The following PINX1 variants were observed in gnomAD, a reference collection of about 807,000 sequenced individuals.
PINX1 encodes PIN2/TERF1-interacting telomerase inhibitor 1.
Under a neutral mutation model 25.4 loss-of-function variants are expected in PINX1, and 34 were observed. The observed-to-expected ratio is 1.34, with a 90% CI of 1.02 to 1.78. The LOEUF (loss-of-function observed/expected upper bound fraction) is 1.78, where lower values mean the gene tolerates loss of function less well. Among genes scored for constraint, PINX1 ranks in the 40% most tolerant of loss-of-function variants. PINX1 has a pLI of 0.00. For synonymous variants in PINX1, 197 were observed against 147.7 expected, an observed-to-expected ratio of 1.33 and a Z score of -2.42; for missense variants, 592 against 404.9, an observed-to-expected ratio of 1.46 and a Z score of -3.97.
At chr8:10,798,553 A>G in intron 6 of PINX1, among the ~76,000 whole-genome samples, 1 of 152,244 alleles carries the variant, frequency 6.6e-6, no homozygotes, top group South Asian at 2.1e-4. Flanking sequence ...ACATGTAGCC[A>G]GGACTCCTGG....
intron 6 of PINX1, among the ~76,000 whole-genome samples, chr8:10,810,144 A>C (rs1467879505): frequency 6.6e-6 from 1 of 152,130 alleles, no homozygotes; most frequent in East Asian, 1.9e-4. Flanking sequence ...CCCCAACAAC[A>C]CAAACACCTC....
At chr8:10,836,370 T>C (rs934619914) in intron 1 of PINX1, among the ~76,000 whole-genome samples, 19 of 152,232 alleles carry the variant, frequency 1.2e-4, no homozygotes, top group Non-Finnish European at 2.5e-4. Context: ...CTGCGTCTGC[T>C]AATGAACAAC....
At chr8:10,814,037 G>C (rs953798090) in intron 6 of PINX1, among the ~76,000 whole-genome samples, 2 of 152,160 alleles carry the variant, frequency 1.3e-5, no homozygotes, top group African/African-American at 4.8e-5. Context: ...ACAGGCCCCG[G>C]CAGGCACCGG....
chr8:10,836,488 G>A (rs963400264), intron 1 of PINX1, among the ~76,000 whole-genome samples: 1 of 152,192 alleles, frequency 6.6e-6, no homozygotes. Context: ...ACTAGGGCTT[G>A]TACGAAGGAG....
chr8:10,794,225 T>A (rs1563214422), intron 6 of PINX1, among the ~76,000 whole-genome samples: 2 of 152,210 alleles, frequency 1.3e-5, no homozygotes, highest in Admixed American at 6.5e-5. Flanking sequence ...ACTGGTAATC[T>A]ATCACGATTA....
At chr8:10,807,317 T>A (rs975303548) in intron 6 of PINX1, among the ~76,000 whole-genome samples, 316 of 39,556 alleles carry the variant, frequency 8.0e-3, no homozygotes, top group East Asian at 0.019. Context: ...ATCAAGAAAA[T>A]CCCCCCCCCA....
At chr8:10,821,923 G>A (rs1439719094) in intron 5 of PINX1, 3 of 152,196 alleles carry the variant, frequency 2.0e-5, no homozygotes, top group African/African-American at 7.2e-5. Flanking sequence ...GTCAAAATGT[G>A]AACACACAGA....
At chr8:10,777,391 C>G (rs1340021345) in intron 6 of PINX1, among the ~76,000 whole-genome samples, 1 of 152,240 alleles carries the variant, frequency 6.6e-6, no homozygotes, top group Non-Finnish European at 1.5e-5. Flanking sequence ...GTTTATGTCT[C>G]TTGTCCTAGG....
intron 3 of PINX1, 119 bp downstream of exon 3, chr8:10,832,773 C>A (rs886491818): frequency 3.4e-6 from 2 of 585,320 alleles, no homozygotes; most frequent in Admixed American, 3.1e-5. Flanking sequence ...CAAGAGGAAA[C>A]GTGAATAAAA....
intron 6 of PINX1, among the ~76,000 whole-genome samples, chr8:10,788,468 G>C (rs552108694): frequency 6.6e-6 from 1 of 152,122 alleles, no homozygotes; most frequent in South Asian, 2.1e-4. Flanking sequence ...AGGAGGCTGA[G>C]GCAAGAGAAT....
intron 6 of PINX1, among the ~76,000 whole-genome samples, chr8:10,808,330 G>A (rs889661085): frequency 2.0e-5 from 3 of 152,340 alleles, no homozygotes; most frequent in Non-Finnish European, 4.4e-5. Flanking sequence ...AGGAAGAATT[G>A]AAAGTGCTGT....
chr8:10,819,706 C>T (rs1391865058), intron 6 of PINX1, among the ~76,000 whole-genome samples: 4 of 152,178 alleles, frequency 2.6e-5, no homozygotes, highest in African/African-American at 9.7e-5. Flanking sequence ...AGAGGAAATA[C>T]CCATCAAACC....
intron 2 of PINX1, chr8:10,833,549 G>A (rs1480343967): frequency 1.3e-5 from 2 of 151,556 alleles, no homozygotes; most frequent in African/African-American, 5.4e-5. Context: ...ATGGAGAAGA[G>A]ACGACTGGGG....
At chr8:10,781,821 A>G (rs1389047044) in intron 6 of PINX1, among the ~76,000 whole-genome samples, 2 of 152,234 alleles carry the variant, frequency 1.3e-5, no homozygotes. Flanking sequence ...ATAGCCCAGC[A>G]ACCCCTCTTC....
intron 6 of PINX1, among the ~76,000 whole-genome samples, chr8:10,804,022 C>G (rs1042948653): frequency 6.6e-6 from 1 of 152,108 alleles, no homozygotes; most frequent in African/African-American, 2.4e-5. Flanking sequence ...ATATAGTTAC[C>G]TAGTTACCTA....
chr8:10,828,571 A>G (rs571081479), intron 4 of PINX1, among the ~76,000 whole-genome samples: 149 of 152,320 alleles, frequency 9.8e-4, no homozygotes, highest in Non-Finnish European at 1.6e-3. Flanking sequence ...GTGCCCTCAC[A>G]GAGCAGCTCT....
chr8:10,798,281 A>C (rs1802154139), intron 6 of PINX1, among the ~76,000 whole-genome samples: 2 of 152,390 alleles, frequency 1.3e-5, no homozygotes, highest in Admixed American at 1.3e-4. Context: ...TGCTGCTGAA[A>C]TAATGAGAGC....
chr8:10,787,642 A>G (rs1801794140), intron 6 of PINX1: 1 of 324,136 alleles, frequency 3.1e-6, no homozygotes, highest in Admixed American at 4.4e-5. Context: ...AAAAAGCCAC[A>G]CAAGGGAAAT....
rs542884059 is a variant in PINX1 at position 10,800,762 on chromosome 8, G to T, written c.471+19431C>A. Among the ~76,000 whole-genome samples, 64 of 152,236 alleles carry T rather than the reference G, an allele frequency of 4.2e-4. 1 individual carries two copies. The South Asian group carries it at 0.012, about 28-fold the overall frequency. ...TGGGATTACCGGCCTAAGTCACTAC[G>T]CCCGGCCAAGAATAAAGTAAAATTT... On this transcript the variant is annotated intron_variant, in intron 6 of 6. Coordinates refer to ENST00000314787, the MANE Select transcript of PINX1 (RefSeq NM_017884.6).
Sources: allele counts gnomAD v4.1 joint callset (sites outside exome capture counted in the v4.1 genomes callset), GRCh38; gene constraint gnomAD v4.1.1; transcripts MANE v1.5; gene names NCBI Gene and HGNC (gene_info 2026-07-23, HGNC 2026-07-21).